Variants in HDAC9 observed in about 807,000 individuals in gnomAD.
The protein encoded by HDAC9 is histone deacetylase 9.
Under a neutral mutation model 139.4 loss-of-function variants are expected in HDAC9, and 41 were observed. The ratio of observed to expected loss-of-function variants is 0.29; its 90% CI spans 0.23 to 0.38. The LOEUF is 0.38. HDAC9 is among the 10% of genes least tolerant of loss of function. The pLI, the probability that HDAC9 is intolerant of heterozygous loss-of-function variation, is 1.00. For missense variants in HDAC9, 1,147 were observed against 1,297.0 expected, an observed-to-expected ratio of 0.88 and a Z score of 1.78; for synonymous variants, 517 against 476.2, an observed-to-expected ratio of 1.09 and a Z score of -1.12.
chr7:18,272,937 ACT>A, intron 2 of HDAC9, among the ~76,000 whole-genome samples: 1 of 149,644 alleles, frequency 6.7e-6, no homozygotes, highest in African/African-American at 2.5e-5. Flanking sequence ...TACTACTACT[ACT>A]ACTACTACTA....
intron 1 of HDAC9, among the ~76,000 whole-genome samples, chr7:18,463,060 G>C (rs912600119): frequency 6.6e-6 from 1 of 151,606 alleles, no homozygotes; most frequent in Non-Finnish European, 1.5e-5. Context: ...TATGCCACTG[G>C]GTATATAGTT....
At chr7:18,829,345 G>A in intron 18 of HDAC9, 116 bp from the exon 19 acceptor site, 2 of 1,103,682 alleles carry the variant, frequency 1.8e-6, no homozygotes, top group Non-Finnish European at 2.8e-6. Flanking sequence ...ACTCCCAGAA[G>A]CAGATTTATG....
intron 2 of HDAC9, among the ~76,000 whole-genome samples, chr7:18,540,933 CCT>C (rs1812606463): frequency 1.3e-5 from 2 of 151,968 alleles, no homozygotes; most frequent in African/African-American, 2.4e-5. Flanking sequence ...TATTATTTCC[CCT>C]GTTTTATAGA....
chr7:18,645,542 C>T (rs1444610932), intron 9 of HDAC9, among the ~76,000 whole-genome samples: 1 of 152,120 alleles, frequency 6.6e-6, no homozygotes, highest in Non-Finnish European at 1.5e-5. Context: ...CTAGAGATCT[C>T]TTTGCCAAAG....
chr7:18,719,160 T>C (rs1784934067), intron 12 of HDAC9, among the ~76,000 whole-genome samples: 1 of 152,186 alleles, frequency 6.6e-6, no homozygotes, highest in African/African-American at 2.4e-5. Flanking sequence ...GTATTGATTA[T>C]TGTGTTTAAG....
At chr7:18,548,604 AAAG>A (rs1816010244) in intron 2 of HDAC9, among the ~76,000 whole-genome samples, 1 of 152,232 alleles carries the variant, frequency 6.6e-6, no homozygotes, top group Non-Finnish European at 1.5e-5. Context: ...CTATGTAAAA[AAAG>A]CAACACTTTT....
chr7:18,249,904 A>ATT (rs1379096478), intron 2 of HDAC9, among the ~76,000 whole-genome samples: 1 of 152,198 alleles, frequency 6.6e-6, no homozygotes, highest in Non-Finnish European at 1.5e-5. Flanking sequence ...TATGCCTGCT[A>ATT]ATTTTAGGCA....
intron 6 of HDAC9, among the ~76,000 whole-genome samples, chr7:18,594,322 G>C (rs375023622): frequency 5.3e-5 from 8 of 151,876 alleles, no homozygotes; most frequent in African/African-American, 1.9e-4. Flanking sequence ...TCGTATCTCG[G>C]AAAATCTAAC....
intron 1 of HDAC9, among the ~76,000 whole-genome samples, chr7:18,414,316 A>T (rs925884069): frequency 1.3e-5 from 2 of 152,176 alleles, no homozygotes; most frequent in Non-Finnish European, 2.9e-5. Flanking sequence ...TAAAGGACAA[A>T]AAAAGACAAA....
chr7:18,139,121 C>CTTTTT (rs552350047), intron 1 of HDAC9, among the ~76,000 whole-genome samples: 2 of 105,926 alleles, frequency 1.9e-5, no homozygotes, highest in Non-Finnish European at 3.8e-5. Context: ...ATAATCTGGA[C>CTTTTT]TTTTTTTTTT....
rs564808668 is a variant in HDAC9, at chr7:18,253,418, A to AT, written c.25+91075dup. ...CTCCAAAACGTTGCCAACACTTGTTATTTTTTAACTTTTTATAATAGCCAT... is the reference window on the plus strand; with the variant it reads ...CTCCAAAACGTTGCCAACACTTGTTATTTTTTTAACTTTTTATAATAGCCAT... On this transcript the variant is annotated intron_variant, in intron 2 of 12. Coordinates refer to the HDAC9 transcript ENST00000417496. 2.6e-3 allele frequency among the ~76,000 whole-genome samples: 402 copies of AT among 152,138 alleles called. 1 individual carries two copies. The highest frequency in any genetic ancestry group is 9.1e-3 in the African/African-American group (377 of 41,506).
chr7:18,702,459 C>T (rs117279987), intron 12 of HDAC9, among the ~76,000 whole-genome samples: 38 of 152,264 alleles, frequency 2.5e-4, no homozygotes, highest in Non-Finnish European at 4.7e-4. Flanking sequence ...TTTTGGGATG[C>T]GGCCTGTAAG....
At chr7:18,185,436 A>G (rs934892369) in intron 2 of HDAC9, among the ~76,000 whole-genome samples, 5 of 152,228 alleles carry the variant, frequency 3.3e-5, no homozygotes, top group Admixed American at 2.6e-4. Context: ...AGAACAGGAT[A>G]AAGTAAATAA....
At chr7:18,529,839 T>C (rs1409702350) in intron 2 of HDAC9, among the ~76,000 whole-genome samples, 1 of 152,206 alleles carries the variant, frequency 6.6e-6, no homozygotes, top group Non-Finnish European at 1.5e-5. Flanking sequence ...TTCATGATTT[T>C]CCATGACATT....
chr7:18,390,084 AC>A (rs1786327789), intron 1 of HDAC9, among the ~76,000 whole-genome samples: 1 of 149,964 alleles, frequency 6.7e-6, no homozygotes, highest in African/African-American at 2.5e-5. Context: ...ACACACACAC[AC>A]ACACACACAC....
intron 12 of HDAC9, among the ~76,000 whole-genome samples, chr7:18,695,179 C>T (rs1170241911): frequency 7.9e-5 from 12 of 152,104 alleles, no homozygotes. Flanking sequence ...CTTAGGCTAA[C>T]AGGGCAAAAA....
At chr7:18,416,825 T>G (rs1789113333) in intron 1 of HDAC9, among the ~76,000 whole-genome samples, 1 of 152,192 alleles carries the variant, frequency 6.6e-6, no homozygotes, top group South Asian at 2.1e-4. Flanking sequence ...TCCTAAGAAA[T>G]ACTAGCTGTC....
intron 2 of HDAC9, among the ~76,000 whole-genome samples, chr7:18,245,768 C>A (rs1794484404): frequency 6.6e-6 from 1 of 152,070 alleles, no homozygotes; most frequent in African/African-American, 2.4e-5. Flanking sequence ...CCACAAAGTC[C>A]CTCCTGTACT....
At chr7:18,139,333 C>T (rs549512136) in intron 1 of HDAC9, among the ~76,000 whole-genome samples, 1 of 151,938 alleles carries the variant, frequency 6.6e-6, no homozygotes, top group South Asian at 2.1e-4. Context: ...TGTCATGTTG[C>T]CCAGGCTGGT....
Sources: gnomAD v4.1 joint callset for allele counts (sites outside exome capture counted in the v4.1 genomes callset) on GRCh38, gnomAD v4.1.1 for gene constraint, MANE v1.5 for transcripts, NCBI Gene and HGNC (gene_info 2026-07-23, HGNC 2026-07-21) for gene names.